PI15: variants seen among roughly 807,000 people sequenced by gnomAD.
PI15 encodes the protein 25 kDa trypsin inhibitor.
A neutral mutation model predicts 31.0 loss-of-function variants in PI15; 18 were observed. The observed-to-expected ratio is 0.58, with a 90% CI of 0.40 to 0.86. PI15 has a LOEUF of 0.86. Among genes scored for constraint, PI15 ranks in the 40% least tolerant of loss-of-function variants. The pLI is 0.00. For synonymous variants in PI15, 118 were observed against 119.1 expected (o/e 0.99, Z 0.06); for missense variants, 282 against 328.1 (o/e 0.86, Z 1.09).
Position 74,845,173 on chromosome 8 carries a change from G to T in PI15, c.438G>T (p.Val146=), listed in dbSNP as rs1811006976. ...LQLVKPWYDE[V]KDYAFPYPQD... The stretch of plus-strand genomic sequence containing the variant: ...TGGTCAAGCCATGGTATGATGAAGT[G>T]AAAGATTATGCTTTTCCATATCCCC... The change falls in exon 4 of 6, where the codon GTG becomes GTT. Residue 146 remains valine, a synonymous_variant. Coordinates refer to ENST00000260113, the MANE Select transcript of PI15 (RefSeq NM_015886.5). The T allele has an allele frequency of 6.2e-7, 1 of 1,612,704 alleles. No homozygotes were observed. The highest frequency in any genetic ancestry group is 1.3e-5 in the African/African-American group (1 of 75,012).
At position 74,852,596 on chromosome 8, in the gene PI15, C is replaced by T. The variant is rs1348920813; in HGVS notation, c.*3343C>T. ...ACATTCATTTGAAAGTTCCATGCAG[C>T]TTTAGCACAGAGTTGACCAAACACT... On this transcript the variant is annotated 3_prime_UTR_variant, in exon 6 of 6. Transcript: ENST00000260113. 1 of 152,068 alleles carries T rather than the reference C, an allele frequency of 6.6e-6. No homozygotes were observed. The highest frequency in any genetic ancestry group is 1.5e-5 in the Non-Finnish European group (1 of 67,982). 9.4% of individuals were successfully genotyped at this position (152,068 alleles called of 1,614,324 possible).
intron 2 of PI15, among the ~76,000 whole-genome samples, chr8:74,841,068 C>A (rs577956665): frequency 6.6e-6 from 1 of 152,138 alleles, no homozygotes; most frequent in Non-Finnish European, 1.5e-5. Flanking sequence ...GGTAGGATTA[C>A]ATATGGTAAA....
intron 2 of PI15, among the ~76,000 whole-genome samples, chr8:74,831,999 C>A (rs7009038): frequency 0.096 from 14,651 of 151,988 alleles, 870 homozygotes; most frequent in African/African-American, 0.17. Flanking sequence ...TTGAAGGTTT[C>A]AAGCAGGGAA....
intron 2 of PI15, among the ~76,000 whole-genome samples, chr8:74,829,499 T>C (rs1005932460): frequency 6.6e-6 from 1 of 152,042 alleles, no homozygotes; most frequent in African/African-American, 2.4e-5. Flanking sequence ...AAGAATAAAA[T>C]TGCAAGACCC....
intron 2 of PI15, among the ~76,000 whole-genome samples, chr8:74,831,919 G>T (rs1810787740): frequency 6.6e-6 from 1 of 151,992 alleles, no homozygotes; most frequent in South Asian, 2.1e-4. Flanking sequence ...AAGAAAGAGT[G>T]ATGTTTGATG....
chr8:74,845,141 C>T lies in PI15; in HGVS notation c.406C>T (p.Leu136Phe), dbSNP rs1811006103. ...CTTTATATGCAGATATCGCTCTATT[C>T]TCCAGTTGGTCAAGCCATGGTATGA... ...SVRTGRYRSI[L>F]QLVKPWYDEV... The change falls in exon 4 of 6, where the codon CTC (leucine) becomes TTC (phenylalanine). Residue 136 changes from leucine to phenylalanine, a missense_variant. Physicochemically the swap from Leu to Phe is conservative, Grantham distance 22. Coordinates refer to ENST00000260113, the MANE Select transcript of PI15 (RefSeq NM_015886.5). The T allele has an allele frequency of 6.2e-7, 1 of 1,612,880 alleles. No individual in the cohort carries two copies. Among genetic ancestry groups the T allele is most frequent in the Non-Finnish European group, 8.5e-7 (1 of 1,178,858 alleles).
chr8:74,826,170 C>G (rs1367571768), intron 2 of PI15: 1 of 224,560 alleles, frequency 4.5e-6, no homozygotes, highest in African/African-American at 2.4e-5. Context: ...TAAAAATAGA[C>G]AATGTTTAAA....
rs1191072583 is a variant in PI15 at position 74,848,732 on chromosome 8, T to TATAG, written c.642-385_642-384insTAGA. Among the ~76,000 whole-genome samples the TATAG allele has an allele frequency of 8.1e-3, 1,102 of 136,328 alleles. 14 individuals are homozygous for TATAG. Among genetic ancestry groups the TATAG allele is most frequent in the African/African-American group, 0.026 (942 of 36,118 alleles). 89.4% of individuals were successfully genotyped at this position (136,328 alleles called of 152,430 possible). A position where few individuals can be genotyped will look rare whatever the true frequency, so the allele number is the denominator to read the frequency against. On this transcript the variant is annotated intron_variant, in intron 5 of 5. Coordinates refer to ENST00000260113, the MANE Select transcript of PI15 (RefSeq NM_015886.5). ...ATATATAAATATATATATATATATA[T>TATAG]AGAGAGAGAGAGAGAGAGAGAGACG... is the stretch of plus-strand genomic sequence containing the variant.
chr8:74,845,047 ACAAT>A, intron 3 of PI15, 77 bp from the exon 4 acceptor site: 1 of 1,193,678 alleles, frequency 8.4e-7, no homozygotes, highest in Non-Finnish European at 1.2e-6. Flanking sequence ...TGCAAAAAGA[ACAAT>A]CAATTTACAG....
intron 2 of PI15, chr8:74,826,469 T>C (rs1810702093): frequency 6.0e-6 from 1 of 165,734 alleles, no homozygotes; most frequent in South Asian, 2.0e-4. Flanking sequence ...TATTAAAAAG[T>C]TTGGCTAGTT....
At chr8:74,846,249 C>A (rs1811023497) in intron 5 of PI15, among the ~76,000 whole-genome samples, 1 of 152,152 alleles carries the variant, frequency 6.6e-6, no homozygotes, top group Non-Finnish European at 1.5e-5. Context: ...GAAAATGTTT[C>A]ACAAATAACT....
intron 5 of PI15, among the ~76,000 whole-genome samples, chr8:74,848,128 A>C (rs1303784860): frequency 6.6e-6 from 1 of 152,324 alleles, no homozygotes; most frequent in South Asian, 2.1e-4. Context: ...AGTGAAGGAA[A>C]AATATTGACA....
At chr8:74,829,156 A>G (rs1380061178) in intron 2 of PI15, among the ~76,000 whole-genome samples, 1 of 152,112 alleles carries the variant, frequency 6.6e-6, no homozygotes. Flanking sequence ...TTGAATTTAG[A>G]TGAAATCCTT....
Position 74,854,133 on chromosome 8 carries a change from A to T in PI15, c.*4880A>T, listed in dbSNP as rs1392003281. On this transcript the variant is annotated 3_prime_UTR_variant, in exon 6 of 6. Transcript: ENST00000260113. Reference sequence around the variant, plus strand: ...CATTCAAAGTCTTTCTAGATTTAAAAATGTATGCAAAAGCTTAGGATTATA... The same window carrying T: ...CATTCAAAGTCTTTCTAGATTTAAATATGTATGCAAAAGCTTAGGATTATA... The T allele has an allele frequency of 1.3e-5, 2 of 152,038 alleles. No homozygotes were observed. Among genetic ancestry groups the T allele is most frequent in the East Asian group, 3.8e-4 (2 of 5,196 alleles). 9.4% of individuals were successfully genotyped at this position (152,038 alleles called of 1,614,324 possible). A position where few individuals can be genotyped will look rare whatever the true frequency, so the allele number is the denominator to read the frequency against.
chr8:74,830,093 G>A (rs779745654), intron 2 of PI15, among the ~76,000 whole-genome samples: 3 of 152,008 alleles, frequency 2.0e-5, no homozygotes, highest in Non-Finnish European at 4.4e-5. Context: ...GGTAACTCCC[G>A]AGTAAGCAAT....
At position 74,851,910 on chromosome 8, in the gene PI15, A is replaced by G. The variant is rs531843457; in HGVS notation, c.*2657A>G. 1 of 152,304 alleles carries G rather than the reference A, an allele frequency of 6.6e-6. No individual in the cohort carries two copies. The highest frequency in any genetic ancestry group is 1.5e-5 in the Non-Finnish European group (1 of 67,958). 9.4% of individuals were successfully genotyped at this position (152,304 alleles called of 1,614,324 possible). ...ATTTAACAACTCAGCTGAAAATATA[A>G]CGGGTATATTTGTTATTCTAACTCT... On this transcript the variant is annotated 3_prime_UTR_variant, in exon 6 of 6. Transcript: ENST00000260113.
chr8:74,844,974 C>T, intron 3 of PI15, 154 bp from the exon 4 acceptor site: 1 of 644,986 alleles, frequency 1.6e-6, no homozygotes, highest in African/African-American at 1.8e-5. Context: ...GAATAGAGGA[C>T]CCGACTAGGT....
Position 74,844,045 on chromosome 8 carries a change from G to T in PI15, c.338G>T (p.Gly113Val). Residue 113 changes from glycine to valine, a missense_variant, in exon 3 of 6, where the codon GGA becomes GTA. Transcript: ENST00000260113. ...AWAATCIWDH[G>V]PSYLLRFLGQ... is the part of the protein sequence containing the mutation. ...GCGGCTACTTGCATTTGGGACCATG[G>T]ACCTTCTTACTTACTGAGATTTTTG... 6.2e-7 allele frequency: 1 copy of T among 1,609,460 alleles called. No individual in the cohort carries two copies. The highest frequency in any genetic ancestry group is 1.7e-5 in the Admixed American group (1 of 59,996).
chr8:74,827,688 G>A (rs1157870808), intron 2 of PI15, among the ~76,000 whole-genome samples: 2 of 152,166 alleles, frequency 1.3e-5, no homozygotes, highest in Non-Finnish European at 2.9e-5. Context: ...CTGCATTGAG[G>A]AAATGCCCCA....
Sources: allele counts gnomAD v4.1 joint callset (sites outside exome capture counted in the v4.1 genomes callset), GRCh38; gene constraint gnomAD v4.1.1; transcripts MANE v1.5; gene names NCBI Gene and HGNC (gene_info 2026-07-23, HGNC 2026-07-21).